The following FILIP1L variants were observed in gnomAD, a reference collection of about 807,000 sequenced individuals.
FILIP1L encodes filamin A-interacting protein 1-like.
Under a neutral mutation model 96.6 loss-of-function variants are expected in FILIP1L, and 55 were observed. That is an observed-to-expected ratio of 0.57 (90% CI 0.46 to 0.71). The LOEUF (loss-of-function observed/expected upper bound fraction) is 0.71, where lower values mean the gene tolerates loss of function less well. Among genes scored for constraint, FILIP1L ranks in the 30% least tolerant of loss-of-function variants. The pLI, the probability that FILIP1L is intolerant of heterozygous loss-of-function variation, is 0.00. For synonymous variants in FILIP1L, 467 were observed against 473.9 expected (o/e 0.99, Z 0.19); for missense variants, 1,304 against 1,321.2 (o/e 0.99, Z 0.20).
At position 99,849,676 on chromosome 3, in the gene FILIP1L, C is replaced by T. The variant is rs745963686; in HGVS notation, c.2000G>A (p.Arg667Gln). 5.6e-6 allele frequency: 9 copies of T among 1,613,142 alleles called. No homozygotes were observed. The highest frequency in any genetic ancestry group is 3.3e-5 in the Admixed American group (2 of 59,920). The part of the protein sequence containing the change: ...ETLERRYANE[R>Q]DKAQFLSKEL... ...TTTAGATAAAAATTGAGCTTTGTCT[C>T]GTTCATTAGCATACCTTCGTTCTAG... The change falls in exon 5 of 6, where the codon CGA becomes CAA. Residue 667 changes from arginine to glutamine, a missense_variant. By Grantham distance (43) the Arg-to-Gln change is conservative. Transcript: ENST00000477258.
At chr3:99,987,528 C>CAAAAA (rs1209242716) in intron 1 of FILIP1L, among the ~76,000 whole-genome samples, 2 of 57,122 alleles carry the variant, frequency 3.5e-5, no homozygotes, top group Admixed American at 2.0e-4. Flanking sequence ...GATTCTGTCT[C>CAAAAA]AAAAAAAAAA....
intron 1 of FILIP1L, among the ~76,000 whole-genome samples, chr3:99,956,639 G>A (rs1316185141): frequency 3.9e-5 from 6 of 152,192 alleles, no homozygotes; most frequent in Non-Finnish European, 7.3e-5. Flanking sequence ...GAGCCCCCGC[G>A]CCCAGCCACC....
intron 1 of FILIP1L, among the ~76,000 whole-genome samples, chr3:100,008,650 T>C (rs374367095): frequency 6.6e-6 from 1 of 152,234 alleles, no homozygotes; most frequent in East Asian, 1.9e-4. Context: ...ATTAAGTAAT[T>C]ATAAGTCTAT....
At chr3:99,995,654 C>A (rs1261435496) in intron 1 of FILIP1L, among the ~76,000 whole-genome samples, 1 of 152,214 alleles carries the variant, frequency 6.6e-6, no homozygotes, top group Non-Finnish European at 1.5e-5. Flanking sequence ...GGCATCCAGG[C>A]GTTTCCATAC....
chr3:99,911,956 AT>A (rs1179158844), intron 4 of FILIP1L, among the ~76,000 whole-genome samples: 1 of 152,136 alleles, frequency 6.6e-6, no homozygotes, highest in African/African-American at 2.4e-5. Flanking sequence ...TTTCCAGCAA[AT>A]AATCATTTGC....
At chr3:99,867,062 G>A (rs1204266616) in intron 4 of FILIP1L, among the ~76,000 whole-genome samples, 1 of 152,140 alleles carries the variant, frequency 6.6e-6, no homozygotes, top group African/African-American at 2.4e-5. Context: ...TTCCTTTCCT[G>A]TAAGTTGGGT....
rs1035475785 is a variant in FILIP1L at position 99,990,428 on chromosome 3, C to T, written c.-10-59398G>A. On this transcript the variant is annotated intron_variant, in intron 1 of 5. Transcript: ENST00000477258. ...TTAGGCACTTGCTGAGTGCTGAGGA[C>T]ATAACAAAGTGAACACTAAATGTTC... Among the ~76,000 whole-genome samples, 10 of 152,284 alleles carry T rather than the reference C, an allele frequency of 6.6e-5. 1 individual carries two copies. The highest frequency in any genetic ancestry group is 6.5e-4 in the Admixed American group (10 of 15,298).
At chr3:99,994,027 A>G (rs1028466082) in intron 1 of FILIP1L, among the ~76,000 whole-genome samples, 3 of 152,154 alleles carry the variant, frequency 2.0e-5, no homozygotes, top group Non-Finnish European at 4.4e-5. Flanking sequence ...TTTTTTGGAC[A>G]GTTTCAGGAG....
At chr3:99,989,233 C>T (rs949803908) in intron 1 of FILIP1L, among the ~76,000 whole-genome samples, 17 of 152,152 alleles carry the variant, frequency 1.1e-4, no homozygotes, top group African/African-American at 3.1e-4. Context: ...ACAAAGCCAA[C>T]CTCTGTTCTG....
At chr3:99,846,114 A>G (rs1363809969) in intron 5 of FILIP1L, among the ~76,000 whole-genome samples, 3 of 152,158 alleles carry the variant, frequency 2.0e-5, no homozygotes, top group Non-Finnish European at 4.4e-5. Flanking sequence ...CCCAAACTCT[A>G]TTAGTTACAA....
chr3:100,004,252 T>C (rs1011886705), intron 1 of FILIP1L, among the ~76,000 whole-genome samples: 1 of 152,168 alleles, frequency 6.6e-6, no homozygotes, highest in Non-Finnish European at 1.5e-5. Context: ...GTGGGTTGCA[T>C]ATAATCAAGG....
intron 3 of FILIP1L, among the ~76,000 whole-genome samples, chr3:99,926,456 C>A: frequency 6.6e-6 from 1 of 152,196 alleles, no homozygotes; most frequent in East Asian, 1.9e-4. Context: ...AAAATTTTAT[C>A]TTCAGTTGCC....
rs190039932 is a variant in FILIP1L at position 99,935,474 on chromosome 3, C to G, written c.-10-4444G>C. 3.9e-5 allele frequency among the ~76,000 whole-genome samples: 6 copies of G among 152,062 alleles called. No individual in the cohort carries two copies. The East Asian group carries it at 9.6e-4, about 24-fold the overall frequency. On this transcript the variant is annotated intron_variant, in intron 1 of 5. Transcript: ENST00000477258. ...AGTGTAGGCTGGGAATCAGGAAACCCAGCCTCTGATCCCAGCTCTGCCTTT... is the reference window on the plus strand; with the variant it reads ...AGTGTAGGCTGGGAATCAGGAAACCGAGCCTCTGATCCCAGCTCTGCCTTT...
chr3:100,086,435 G>T (rs1041098039), intron 1 of FILIP1L, among the ~76,000 whole-genome samples: 1 of 152,076 alleles, frequency 6.6e-6, no homozygotes, highest in Non-Finnish European at 1.5e-5. Flanking sequence ...AAAAATCCAG[G>T]TTCTACTCTT....
chr3:100,055,800 T>A (rs970719790), intron 1 of FILIP1L, among the ~76,000 whole-genome samples: 21 of 152,244 alleles, frequency 1.4e-4, no homozygotes, highest in African/African-American at 4.6e-4. Context: ...AGAAATTTTT[T>A]AATATTGTAC....
chr3:100,024,714 C>A (rs1383802016), intron 1 of FILIP1L, among the ~76,000 whole-genome samples: 1 of 152,166 alleles, frequency 6.6e-6, no homozygotes, highest in South Asian at 2.1e-4. Flanking sequence ...CATGTGTGGG[C>A]TCAGTCCTGG....
chr3:99,893,141 G>A (rs1048225779), intron 4 of FILIP1L, among the ~76,000 whole-genome samples: 3 of 146,874 alleles, frequency 2.0e-5, no homozygotes, highest in Non-Finnish European at 4.5e-5. Context: ...TCTATTTCCA[G>A]TAACAAAATT....
intron 4 of FILIP1L, among the ~76,000 whole-genome samples, chr3:99,861,621 G>A (rs757003216): frequency 3.0e-4 from 45 of 152,114 alleles, no homozygotes; most frequent in Non-Finnish European, 6.3e-4. Flanking sequence ...CCTTCTTTAA[G>A]ACAGGGATAA....
At chr3:100,042,319 TAAG>T (rs924459750) in intron 1 of FILIP1L, among the ~76,000 whole-genome samples, 7 of 152,042 alleles carry the variant, frequency 4.6e-5, no homozygotes, top group African/African-American at 2.4e-5. Flanking sequence ...TGTATTCTAA[TAAG>T]AAGACCAGCC....
Sources: allele counts gnomAD v4.1 joint callset (sites outside exome capture counted in the v4.1 genomes callset), GRCh38; gene constraint gnomAD v4.1.1; transcripts MANE v1.5; gene names NCBI Gene and HGNC (gene_info 2026-07-23, HGNC 2026-07-21).